The following SRPK2 variants were observed in gnomAD, a reference collection of about 807,000 sequenced individuals.
The protein encoded by SRPK2 is SFRS protein kinase 2.
SRPK2 carries 21 observed loss-of-function variants against 90.8 expected under a neutral mutation model. That is an observed-to-expected ratio of 0.23 (90% CI 0.16 to 0.33). The LOEUF (loss-of-function observed/expected upper bound fraction) is 0.33, where lower values mean the gene tolerates loss of function less well. Ranked by LOEUF, SRPK2 falls within the 10% of genes least tolerant of loss-of-function variation. SRPK2 has a pLI of 1.00. For missense variants in SRPK2, 620 were observed against 869.0 expected, an observed-to-expected ratio of 0.71 and a Z score of 3.60; for synonymous variants, 288 against 311.1, an observed-to-expected ratio of 0.93 and a Z score of 0.78.
chr7:105,200,997 T>C (rs139110450), intron 3 of SRPK2, among the ~76,000 whole-genome samples: 92 of 152,310 alleles, frequency 6.0e-4, no homozygotes, highest in African/African-American at 1.9e-3. Flanking sequence ...TATAGGAGAA[T>C]GTACTTGATT....
intron 3 of SRPK2, among the ~76,000 whole-genome samples, chr7:105,174,523 G>A (rs1791586853): frequency 6.6e-6 from 1 of 151,920 alleles, no homozygotes; most frequent in Non-Finnish European, 1.5e-5. Context: ...ACTTTCAAAG[G>A]ACTAGGGAAA....
In SRPK2 at chr7:105,143,253, G is replaced by C. The variant is rs1804062300; in HGVS notation, c.891C>G (p.Arg297=). The change falls in exon 10 of 16, where the codon CGC becomes CGG. Residue 297 remains arginine, a synonymous_variant. Transcript: ENST00000393651. ...GCTCCAATTCTTCTATCTCCTGCAGGCGCTTCTCCAATAACTCAGCCTGCC... is the reference window on the plus strand; with the variant it reads ...GCTCCAATTCTTCTATCTCCTGCAGCCGCTTCTCCAATAACTCAGCCTGCC... The part of the protein sequence containing the change: ...QKRQAELLEK[R]LQEIEELERE... 6.2e-7 allele frequency: 1 copy of C among 1,613,848 alleles called. No individual in the cohort carries two copies. Among genetic ancestry groups the C allele is most frequent in the Non-Finnish European group, 8.5e-7 (1 of 1,180,008 alleles).
chr7:105,121,075 C>T (rs1376703912), intron 15 of SRPK2, among the ~76,000 whole-genome samples: 1 of 152,148 alleles, frequency 6.6e-6, no homozygotes, highest in African/African-American at 2.4e-5. Context: ...CGGCCGGGCA[C>T]GGTGGCTCAT....
At chr7:105,240,248 T>C (rs1244194708) in intron 2 of SRPK2, among the ~76,000 whole-genome samples, 3 of 152,114 alleles carry the variant, frequency 2.0e-5, no homozygotes, top group African/African-American at 7.2e-5. Context: ...AGGATACTCA[T>C]CCCACTCATG....
At chr7:105,167,946 C>G in intron 5 of SRPK2, 62 bp downstream of exon 5, 1 of 1,343,242 alleles carries the variant, frequency 7.4e-7, no homozygotes, top group African/African-American at 1.5e-5. Flanking sequence ...CCAGAAAAAT[C>G]TTTCTGTAAA....
chr7:105,331,308 C>CAAAAAAAAAAAAAAAAAAAAA lies in SRPK2; in HGVS notation c.71+57319_71+57339dup, dbSNP rs57653042. ...TGGGCGACAGAGCGAGACTCCGTCT[C>CAAAAAAAAAAAAAAAAAAAAA]AAAAAAAAAAAAAAAAAAAAAAAAA... On this transcript the variant is annotated intron_variant, in intron 2 of 15. Transcript: ENST00000393651. Among the ~76,000 whole-genome samples the CAAAAAAAAAAAAAAAAAAAAA allele has an allele frequency of 8.9e-5, 4 of 45,106 alleles. 1 individual carries two copies. The highest frequency in any genetic ancestry group is 4.7e-4 in the East Asian group (1 of 2,126). The allele number at this position is 45,106 out of a possible 152,430, so 29.6% of individuals were successfully genotyped here.
intron 2 of SRPK2, among the ~76,000 whole-genome samples, chr7:105,246,770 G>C (rs1282148953): frequency 6.6e-6 from 1 of 152,108 alleles, no homozygotes; most frequent in Admixed American, 6.5e-5. Flanking sequence ...GAGTACTGAA[G>C]ACAATCAACT....
intron 6 of SRPK2, among the ~76,000 whole-genome samples, chr7:105,166,255 A>T (rs2158861): frequency 0.012 from 1,900 of 152,354 alleles, 27 homozygotes; most frequent in African/African-American, 0.037. Context: ...AAGTAAGTGA[A>T]TACAGACTTA....
At chr7:105,278,583 A>C (rs980393574) in intron 2 of SRPK2, among the ~76,000 whole-genome samples, 2 of 151,068 alleles carry the variant, frequency 1.3e-5, no homozygotes, top group Non-Finnish European at 2.9e-5. Context: ...CTACTTGGGA[A>C]GCTGAGGCAG....
chr7:105,288,821 G>A (rs1041961305), intron 2 of SRPK2, among the ~76,000 whole-genome samples: 4 of 152,078 alleles, frequency 2.6e-5, no homozygotes, highest in African/African-American at 7.2e-5. Flanking sequence ...AGGAAGACAT[G>A]TGCTAAAGAA....
intron 2 of SRPK2, among the ~76,000 whole-genome samples, chr7:105,254,493 T>C (rs528807193): frequency 5.3e-5 from 8 of 152,338 alleles, no homozygotes; most frequent in Non-Finnish European, 1.0e-4. Context: ...CATCCATCCA[T>C]ATCATGAACT....
chr7:105,382,985 G>C (rs1055121323), intron 2 of SRPK2, among the ~76,000 whole-genome samples: 3 of 148,822 alleles, frequency 2.0e-5, no homozygotes, highest in Non-Finnish European at 3.0e-5. Context: ...GTTGAATAAA[G>C]AGTACACAAA....
intron 2 of SRPK2, among the ~76,000 whole-genome samples, chr7:105,257,282 G>A (rs1803458757): frequency 6.6e-6 from 1 of 152,186 alleles, no homozygotes; most frequent in South Asian, 2.1e-4. Flanking sequence ...AAAGGAATCT[G>A]CACTATGACT....
At chr7:105,222,133 A>G (rs1434826734) in intron 2 of SRPK2, among the ~76,000 whole-genome samples, 1 of 152,216 alleles carries the variant, frequency 6.6e-6, no homozygotes, top group Non-Finnish European at 1.5e-5. Flanking sequence ...ATCTTTGTCT[A>G]TACCTTACCA....
intron 13 of SRPK2, among the ~76,000 whole-genome samples, chr7:105,132,522 T>C (rs1802161462): frequency 6.6e-6 from 1 of 152,194 alleles, no homozygotes; most frequent in Non-Finnish European, 1.5e-5. Context: ...GTCTGATTCA[T>C]GGGGCTGTGG....
intron 7 of SRPK2, among the ~76,000 whole-genome samples, chr7:105,152,603 A>C (rs1043003868): frequency 6.6e-6 from 1 of 152,246 alleles, no homozygotes; most frequent in Non-Finnish European, 1.5e-5. Context: ...AAAAACAAAA[A>C]CACAAACCAA....
chr7:105,373,535 T>G (rs567174598), intron 2 of SRPK2, among the ~76,000 whole-genome samples: 1 of 151,776 alleles, frequency 6.6e-6, no homozygotes, highest in African/African-American at 2.4e-5. Flanking sequence ...CCCTATGAAC[T>G]GGGATTACAG....
At chr7:105,331,307 T>C (rs1184110058) in intron 2 of SRPK2, among the ~76,000 whole-genome samples, 1 of 3,022 alleles carries the variant, frequency 3.3e-4, no homozygotes, top group Non-Finnish European at 7.5e-4. Context: ...AGACTCCGTC[T>C]CAAAAAAAAA....
upstream of SRPK2, among the ~76,000 whole-genome samples, chr7:105,391,183 A>AATTTATTTATTT (rs67760645): frequency 0.014 from 2,070 of 148,376 alleles, 34 homozygotes; most frequent in East Asian, 0.071. Context: ...ATGACTATAA[A>AATTTATTTATTT]ATTTATTTAT....
Sources: gnomAD v4.1 joint callset for allele counts (sites outside exome capture counted in the v4.1 genomes callset) on GRCh38, gnomAD v4.1.1 for gene constraint, MANE v1.5 for transcripts, NCBI Gene and HGNC (gene_info 2026-07-23, HGNC 2026-07-21) for gene names.